The following SAMD5 variants were observed in gnomAD, a reference collection of about 807,000 sequenced individuals.
The protein encoded by SAMD5 is sterile alpha motif domain-containing protein 5.
In SAMD5, 13 loss-of-function variants were observed where a neutral mutation model predicts 11.3. That is an observed-to-expected ratio of 1.15 (90% CI 0.75 to 1.83). SAMD5 has a LOEUF of 1.83. Among genes scored for constraint, SAMD5 ranks in the 40% most tolerant of loss-of-function variants. The pLI is 0.00. For missense variants in SAMD5, 255 were observed against 239.1 expected, an observed-to-expected ratio of 1.07 and a Z score of -0.44; for synonymous variants, 129 against 111.3, an observed-to-expected ratio of 1.16 and a Z score of -1.00.
the SAMD5 span, among the ~76,000 whole-genome samples, chr6:147,876,295 A>G: frequency 6.6e-6 from 1 of 152,226 alleles, no homozygotes; most frequent in Non-Finnish European, 1.5e-5. Flanking sequence ...GTCTCTCTTC[A>G]TCATTGTGAG....
chr6:147,912,709 C>T, the SAMD5 span, among the ~76,000 whole-genome samples: 1 of 152,008 alleles, frequency 6.6e-6, no homozygotes, highest in Non-Finnish European at 1.5e-5. Context: ...GCCTATGGTA[C>T]ATATATACAC....
chr6:147,832,676 G>A, the SAMD5 span, among the ~76,000 whole-genome samples: 20 of 152,114 alleles, frequency 1.3e-4, no homozygotes, highest in East Asian at 3.3e-3. Flanking sequence ...CTATTGCTTC[G>A]TTAATACTTT....
chr6:147,651,815 C>G (rs1490262104), intron 1 of SAMD5, among the ~76,000 whole-genome samples: 1 of 152,198 alleles, frequency 6.6e-6, no homozygotes, highest in Admixed American at 6.5e-5. Context: ...AATATGGGAG[C>G]TGTGAGTCAC....
the SAMD5 span, among the ~76,000 whole-genome samples, chr6:147,821,682 T>C: frequency 6.6e-6 from 1 of 152,222 alleles, no homozygotes; most frequent in Admixed American, 6.5e-5. Context: ...AGTTTTCCAG[T>C]AAAACGGAAG....
At chr6:147,523,647 A>T (rs1788289836) in intron 1 of SAMD5, among the ~76,000 whole-genome samples, 1 of 152,238 alleles carries the variant, frequency 6.6e-6, no homozygotes, top group Non-Finnish European at 1.5e-5. Flanking sequence ...GAAAGTAATA[A>T]AACTAAAGAT....
chr6:147,803,214 A>G, the SAMD5 span, among the ~76,000 whole-genome samples: 4 of 149,602 alleles, frequency 2.7e-5, 1 homozygote, highest in African/African-American at 9.9e-5. Flanking sequence ...AAGCTACTGT[A>G]TAAATTATGT....
intron 1 of SAMD5, among the ~76,000 whole-genome samples, chr6:147,674,584 A>G (rs1280017372): frequency 6.6e-6 from 1 of 152,190 alleles, no homozygotes; most frequent in Non-Finnish European, 1.5e-5. Flanking sequence ...ACTTCCTTTC[A>G]GTATTTGGTT....
At chr6:147,888,011 TA>T in the SAMD5 span, among the ~76,000 whole-genome samples, 1 of 152,212 alleles carries the variant, frequency 6.6e-6, no homozygotes, top group Non-Finnish European at 1.5e-5. Context: ...GGATTGTTTT[TA>T]TTACCAAATA....
At chr6:147,558,565 T>G (rs964003698) in intron 1 of SAMD5, among the ~76,000 whole-genome samples, 3 of 152,108 alleles carry the variant, frequency 2.0e-5, no homozygotes, top group African/African-American at 7.2e-5. Context: ...TGATTTCCTG[T>G]CACAGCTCTC....
chr6:147,509,693 C>G (rs1473720043), intron 1 of SAMD5, among the ~76,000 whole-genome samples: 1 of 152,178 alleles, frequency 6.6e-6, no homozygotes, highest in Admixed American at 6.5e-5. Flanking sequence ...ACCTGGTAGC[C>G]AGGGGGAATT....
At chr6:147,717,195 T>C (rs1729600417) in intron 1 of SAMD5, among the ~76,000 whole-genome samples, 1 of 152,180 alleles carries the variant, frequency 6.6e-6, no homozygotes, top group Admixed American at 6.5e-5. Context: ...TCAACAACTG[T>C]TGGTGAATTA....
At chr6:147,922,842 G>A in the SAMD5 span, among the ~76,000 whole-genome samples, 13 of 152,134 alleles carry the variant, frequency 8.5e-5, no homozygotes, top group African/African-American at 3.1e-4. Flanking sequence ...GAAGGAGTGT[G>A]TAATAATGGA....
the SAMD5 span, among the ~76,000 whole-genome samples, chr6:147,926,307 G>T: frequency 3.6e-4 from 55 of 152,222 alleles, no homozygotes; most frequent in Non-Finnish European, 7.1e-4. Context: ...CCTGTTGACG[G>T]TGTATAAGAA....
At chr6:147,665,447 A>G (rs1308781949) in intron 1 of SAMD5, among the ~76,000 whole-genome samples, 2 of 152,236 alleles carry the variant, frequency 1.3e-5, no homozygotes, top group Non-Finnish European at 2.9e-5. Context: ...GTGAATTATT[A>G]CTATAATCAG....
downstream of SAMD5, among the ~76,000 whole-genome samples, chr6:147,740,117 CATTT>C (rs1482654338): frequency 6.6e-6 from 1 of 152,194 alleles, no homozygotes; most frequent in Admixed American, 6.5e-5. Context: ...CACACCCGAC[CATTT>C]ATACTATTTT....
downstream of SAMD5, among the ~76,000 whole-genome samples, chr6:147,571,997 TG>T (rs140288200): frequency 6.6e-6 from 1 of 151,658 alleles, no homozygotes; most frequent in Admixed American, 6.6e-5. Flanking sequence ...TTTTTTTTTT[TG>T]ATGACCTCCA....
the SAMD5 span, among the ~76,000 whole-genome samples, chr6:147,834,791 C>T: frequency 6.6e-6 from 1 of 152,082 alleles, no homozygotes; most frequent in Non-Finnish European, 1.5e-5. Context: ...GCTTTTGAGA[C>T]CTGAGATTAT....
intron 1 of SAMD5, among the ~76,000 whole-genome samples, chr6:147,547,012 T>C (rs1254727135): frequency 6.6e-6 from 1 of 152,210 alleles, no homozygotes; most frequent in Non-Finnish European, 1.5e-5. Flanking sequence ...GCGTTTCCCA[T>C]TAGTCGGTCC....
At chr6:147,585,235 G>A (rs1259662552) in intron 1 of SAMD5, among the ~76,000 whole-genome samples, 1 of 152,066 alleles carries the variant, frequency 6.6e-6, no homozygotes, top group African/African-American at 2.4e-5. Flanking sequence ...AGCGAGTGGA[G>A]GATTTTTAAA....
Sources: allele counts gnomAD v4.1 joint callset (sites outside exome capture counted in the v4.1 genomes callset), GRCh38; gene constraint gnomAD v4.1.1; transcripts MANE v1.5; gene names NCBI Gene and HGNC (gene_info 2026-07-23, HGNC 2026-07-21).